Variants in RALGAPA1 observed in about 807,000 individuals in gnomAD.
The protein encoded by RALGAPA1 is ral GTPase-activating protein subunit alpha-1.
In RALGAPA1, 52 loss-of-function variants were observed where a neutral mutation model predicts 269.6. The observed-to-expected ratio is 0.19, with a 90% CI of 0.15 to 0.24. RALGAPA1 has a LOEUF of 0.24. Among genes scored for constraint, RALGAPA1 ranks in the 10% least tolerant of loss-of-function variants. The probability of loss-of-function intolerance (pLI) is 1.00; values close to 1 mark genes in which losing one functional copy is unlikely to be tolerated. For missense variants in RALGAPA1, 1,917 were observed against 3,013.9 expected (o/e 0.64, Z 8.52); for synonymous variants, 817 against 1,008.3 (o/e 0.81, Z 3.60).
intron 35 of RALGAPA1, among the ~76,000 whole-genome samples, chr14:35,612,265 G>A (rs1186951972): frequency 1.3e-5 from 2 of 151,534 alleles, no homozygotes; most frequent in East Asian, 3.9e-4. Flanking sequence ...CAGCTACCTG[G>A]GAGGCTGATG....
chr14:35,603,402 C>T (rs529511035), intron 36 of RALGAPA1, among the ~76,000 whole-genome samples: 2 of 152,134 alleles, frequency 1.3e-5, no homozygotes, highest in East Asian at 1.9e-4. Flanking sequence ...GTATACTACA[C>T]GTTTGACAAA....
intron 1 of RALGAPA1, among the ~76,000 whole-genome samples, chr14:35,788,261 G>A (rs2075933754): frequency 6.6e-6 from 1 of 152,058 alleles, no homozygotes; most frequent in Admixed American, 6.6e-5. Context: ...TTCAGCCACT[G>A]CACCTGGTAC....
At position 35,770,589 on chromosome 14, in the gene RALGAPA1, C is replaced by T. The variant is rs981006569; in HGVS notation, c.325+353G>A. ...ATAAACTAGAAACAACACAAATGTC[C>T]ATTCTATTTAGCACTTTGCATTTTT... On this transcript the variant is annotated intron_variant, in intron 4 of 41. Coordinates refer to ENST00000680220, the MANE Select transcript of RALGAPA1 (RefSeq NM_001346249.2). Among the ~76,000 whole-genome samples the T allele has an allele frequency of 3.9e-5, 6 of 152,106 alleles. 1 individual carries two copies. The highest frequency in any genetic ancestry group is 3.9e-4 in the Admixed American group (6 of 15,280).
chr14:35,556,105 T>C (rs1464394274), intron 39 of RALGAPA1, among the ~76,000 whole-genome samples: 1 of 152,132 alleles, frequency 6.6e-6, no homozygotes, highest in Non-Finnish European at 1.5e-5. Context: ...GGCCTTGAAA[T>C]ATCTTTAAAC....
intron 29 of RALGAPA1, 56 bp downstream of exon 29, chr14:35,655,751 A>G (rs1002936388): frequency 1.7e-5 from 26 of 1,565,890 alleles, no homozygotes; most frequent in Admixed American, 8.1e-5. Context: ...ATATTTGGAG[A>G]AAAAAATATG....
intron 1 of RALGAPA1, among the ~76,000 whole-genome samples, chr14:35,789,317 T>C (rs76683027): frequency 0.024 from 3,656 of 151,780 alleles, 59 homozygotes; most frequent in Non-Finnish European, 0.034. Context: ...TAATGCCTGA[T>C]TGGTGGTGGC....
At chr14:35,595,929 G>A (rs1051918321) in intron 36 of RALGAPA1, 140 bp from the exon 37 acceptor site, 7 of 648,020 alleles carry the variant, frequency 1.1e-5, no homozygotes, top group Non-Finnish European at 1.8e-5. Context: ...ATCTAGAATT[G>A]TTAGAATTGA....
intron 35 of RALGAPA1, among the ~76,000 whole-genome samples, chr14:35,614,295 G>A (rs571949565): frequency 2.0e-5 from 3 of 152,170 alleles, no homozygotes; most frequent in East Asian, 3.9e-4. Context: ...ATTCATATTC[G>A]CCCAAAAGTG....
chr14:35,663,429 A>C (rs1271794217), intron 27 of RALGAPA1, among the ~76,000 whole-genome samples: 2 of 151,814 alleles, frequency 1.3e-5, no homozygotes. Context: ...TAAAAAAAAC[A>C]AAAACAAAAA....
intron 39 of RALGAPA1, among the ~76,000 whole-genome samples, chr14:35,566,276 G>T (rs2056693949): frequency 1.3e-5 from 2 of 152,088 alleles, no homozygotes; most frequent in South Asian, 4.1e-4. Context: ...TGTAATTCTG[G>T]CTGCTGGTAT....
At chr14:35,738,294 C>A (rs1340490504) in intron 12 of RALGAPA1, among the ~76,000 whole-genome samples, 1 of 151,304 alleles carries the variant, frequency 6.6e-6, no homozygotes, top group Non-Finnish European at 1.5e-5. Context: ...TGACAGTACA[C>A]CATAACATAA....
chr14:35,808,037 G>C (rs1230178916), intron 1 of RALGAPA1: 2 of 152,220 alleles, frequency 1.3e-5, no homozygotes, highest in East Asian at 3.9e-4. Flanking sequence ...ATTCAAAAGA[G>C]TCGATTAACA....
At chr14:35,673,967 T>C (rs548042564) in intron 24 of RALGAPA1, among the ~76,000 whole-genome samples, 1 of 152,322 alleles carries the variant, frequency 6.6e-6, no homozygotes, top group African/African-American at 2.4e-5. Flanking sequence ...CTCTCTATAT[T>C]CACTTTTGTT....
At chr14:35,693,557 A>G (rs1184096421) in intron 17 of RALGAPA1, among the ~76,000 whole-genome samples, 2 of 151,952 alleles carry the variant, frequency 1.3e-5, no homozygotes, top group African/African-American at 4.8e-5. Flanking sequence ...ACGATCACCC[A>G]TGTTCAGAGA....
At chr14:35,583,730 G>A (rs2058096418) in intron 37 of RALGAPA1, among the ~76,000 whole-genome samples, 1 of 152,062 alleles carries the variant, frequency 6.6e-6, no homozygotes, top group Admixed American at 6.6e-5. Flanking sequence ...CTTACCTATA[G>A]AGTAGCAAAG....
chr14:35,785,090 A>G (rs909533175), intron 1 of RALGAPA1, among the ~76,000 whole-genome samples: 4 of 152,240 alleles, frequency 2.6e-5, no homozygotes, highest in Non-Finnish European at 5.9e-5. Flanking sequence ...TCCAAAACAG[A>G]TAATTTCTTG....
intron 34 of RALGAPA1, among the ~76,000 whole-genome samples, chr14:35,626,025 A>G (rs775164631): frequency 1.2e-4 from 18 of 152,318 alleles, no homozygotes; most frequent in South Asian, 2.1e-4. Flanking sequence ...ACAGCAAAAG[A>G]GAGTAGAATG....
intron 39 of RALGAPA1, among the ~76,000 whole-genome samples, chr14:35,563,440 G>A (rs2056454141): frequency 6.6e-6 from 1 of 152,144 alleles, no homozygotes; most frequent in Non-Finnish European, 1.5e-5. Context: ...GGGCGTCAGT[G>A]TGGTAGGAGA....
At chr14:35,552,323 A>T (rs1273929393) in intron 39 of RALGAPA1, among the ~76,000 whole-genome samples, 1 of 152,180 alleles carries the variant, frequency 6.6e-6, no homozygotes. Context: ...CTGCAATTGT[A>T]ATCATCCAAA....
Sources: gnomAD v4.1 joint callset for allele counts (sites outside exome capture counted in the v4.1 genomes callset) on GRCh38, gnomAD v4.1.1 for gene constraint, MANE v1.5 for transcripts, NCBI Gene and HGNC (gene_info 2026-07-23, HGNC 2026-07-21) for gene names.